SPAG17: variants seen among roughly 807,000 people sequenced by gnomAD.
The protein encoded by SPAG17 is sperm associated antigen 17, also known as sperm-associated antigen 17.
A neutral mutation model predicts 273.6 loss-of-function variants in SPAG17; 169 were observed. That is an observed-to-expected ratio of 0.62 (90% confidence interval 0.55 to 0.70). The LOEUF is 0.70. Among genes scored for constraint, SPAG17 ranks in the 30% least tolerant of loss-of-function variants. The pLI is 0.00. For missense variants in SPAG17, 2,557 were observed against 2,627.8 expected (o/e 0.97, Z 0.59); for synonymous variants, 825 against 873.2 (o/e 0.94, Z 0.97).
chr1:118,094,851 A>T (rs1003153491), intron 7 of SPAG17, among the ~76,000 whole-genome samples: 6 of 152,154 alleles, frequency 3.9e-5, no homozygotes, highest in Admixed American at 3.9e-4. Context: ...AGATTACTAC[A>T]GTTGGACCCA....
Position 117,994,424 on chromosome 1 carries a change from T to C in SPAG17, c.5160A>G (p.Glu1720=), listed in dbSNP as rs755948122. The stretch of plus-strand genomic sequence containing the variant: ...TATATACCTCAACTGAGGGAAATGT[T>C]TCCCATGACCTTGACCGGAGATTAG... ...VPPNLRSRSW[E]TFPSVEKKTP... is the part of the protein sequence containing the mutation. The change falls in exon 35 of 49, where the codon GAA becomes GAG. Residue 1720 remains glutamate (E), a synonymous_variant. Transcript: ENST00000336338. 6.2e-7 allele frequency: 1 copy of C among 1,612,486 alleles called. No homozygotes were observed. The highest frequency in any genetic ancestry group is 1.7e-5 in the Admixed American group (1 of 59,876).
chr1:118,077,543 A>C (rs1007689020), intron 15 of SPAG17, among the ~76,000 whole-genome samples: 3 of 152,154 alleles, frequency 2.0e-5, no homozygotes, highest in African/African-American at 7.2e-5. Flanking sequence ...TTAAAGAAAA[A>C]AAAATGAAAC....
At chr1:118,013,642 C>T (rs1444617999) in intron 29 of SPAG17, among the ~76,000 whole-genome samples, 1 of 151,932 alleles carries the variant, frequency 6.6e-6, no homozygotes, top group East Asian at 1.9e-4. Flanking sequence ...TGGTAAAGTG[C>T]GTCACACTTG....
chr1:118,052,129 A>C (rs1466865842), intron 20 of SPAG17, among the ~76,000 whole-genome samples: 15 of 128,856 alleles, frequency 1.2e-4, no homozygotes, highest in Admixed American at 1.1e-3. Context: ...TAATACTATT[A>C]TATATAAACT....
intron 18 of SPAG17, among the ~76,000 whole-genome samples, chr1:118,062,526 T>A (rs1279624909): frequency 6.6e-6 from 1 of 151,658 alleles, no homozygotes; most frequent in Non-Finnish European, 1.5e-5. Context: ...GTCCTAGAAA[T>A]AAAGAGGAAC....
chr1:118,003,428 G>A (rs572731343), intron 32 of SPAG17, among the ~76,000 whole-genome samples: 52 of 152,254 alleles, frequency 3.4e-4, no homozygotes, highest in African/African-American at 1.2e-3. Flanking sequence ...TCCCAACTTG[G>A]TTCCATTCTC....
intron 17 of SPAG17, among the ~76,000 whole-genome samples, chr1:118,068,147 A>G (rs1031452372): frequency 2.7e-5 from 4 of 150,254 alleles, no homozygotes; most frequent in Admixed American, 2.0e-4. Flanking sequence ...AGTGATATAT[A>G]TATAATATAT....
intron 48 of SPAG17, chr1:117,958,990 T>G: frequency 6.2e-7 from 1 of 1,613,910 alleles, no homozygotes. Flanking sequence ...ATTTCAAAAG[T>G]CAGCCAAGTC....
chr1:117,964,271 A>G (rs1315517946), intron 47 of SPAG17: 1 of 174,578 alleles, frequency 5.7e-6, no homozygotes, highest in Non-Finnish European at 1.2e-5. Context: ...AGAGGGACAG[A>G]TCATTGTTGA....
At chr1:117,982,463 G>A (rs1302269902) in intron 42 of SPAG17, among the ~76,000 whole-genome samples, 1 of 152,124 alleles carries the variant, frequency 6.6e-6, no homozygotes, top group South Asian at 2.1e-4. Flanking sequence ...GGATGGTCTC[G>A]ATCTCCTGAC....
intron 32 of SPAG17, among the ~76,000 whole-genome samples, chr1:117,997,901 T>C (rs1478571670): frequency 6.6e-6 from 1 of 152,200 alleles, no homozygotes; most frequent in Non-Finnish European, 1.5e-5. Context: ...GATAAACAAG[T>C]GGCCATAGTT....
At chr1:117,994,930 A>G (rs924024094) in intron 34 of SPAG17, among the ~76,000 whole-genome samples, 2 of 152,028 alleles carry the variant, frequency 1.3e-5, no homozygotes, top group African/African-American at 4.8e-5. Context: ...CTGTGAATGA[A>G]CCTTCCCTTG....
chr1:118,038,034 T>C (rs1649290895), intron 23 of SPAG17, among the ~76,000 whole-genome samples: 1 of 152,120 alleles, frequency 6.6e-6, no homozygotes, highest in South Asian at 2.1e-4. Context: ...GCAAAAGACA[T>C]CTGTTAAAGG....
At chr1:117,969,837 C>T (rs983681556) in intron 46 of SPAG17, among the ~76,000 whole-genome samples, 1 of 152,164 alleles carries the variant, frequency 6.6e-6, no homozygotes, top group Admixed American at 6.5e-5. Context: ...TCTGTTTATG[C>T]ATTGGATTGG....
chr1:118,088,880 G>A (rs1397701121), intron 10 of SPAG17, among the ~76,000 whole-genome samples: 3 of 152,092 alleles, frequency 2.0e-5, no homozygotes, highest in Admixed American at 6.6e-5. Flanking sequence ...AAGGTAAATC[G>A]ATAGGAAAAA....
At chr1:118,087,063 C>T in intron 10 of SPAG17, 55 bp from the exon 11 acceptor site, 1 of 1,505,244 alleles carries the variant, frequency 6.6e-7, no homozygotes, top group East Asian at 2.3e-5. Context: ...TTTAGTGATA[C>T]TCACTGCTCA....
At chr1:118,086,566 T>C (rs1222209995) in intron 12 of SPAG17, 105 bp downstream of exon 12, 3 of 951,324 alleles carry the variant, frequency 3.2e-6, no homozygotes, top group East Asian at 5.0e-5. Context: ...TACATTACAT[T>C]TTAATTAGTG....
chr1:117,980,571 C>T (rs1167433228), intron 43 of SPAG17, among the ~76,000 whole-genome samples: 2 of 152,154 alleles, frequency 1.3e-5, no homozygotes, highest in Non-Finnish European at 2.9e-5. Context: ...TGGCAAAATA[C>T]TTGCTCTATA....
intron 8 of SPAG17, among the ~76,000 whole-genome samples, chr1:118,092,713 G>C (rs549872815): frequency 6.6e-6 from 1 of 152,188 alleles, no homozygotes; most frequent in East Asian, 1.9e-4. Flanking sequence ...TTCTTCTACT[G>C]CAAGCTGAGA....
Sources: allele counts gnomAD v4.1 joint callset (sites outside exome capture counted in the v4.1 genomes callset), GRCh38; gene constraint gnomAD v4.1.1; transcripts MANE v1.5; gene names NCBI Gene and HGNC (gene_info 2026-07-23, HGNC 2026-07-21).